Variants in ZYG11A observed in about 807,000 individuals in gnomAD.
ZYG11A encodes the protein protein zyg-11 homolog A.
In ZYG11A, 62 loss-of-function variants were observed where a neutral mutation model predicts 77.2. That is an observed-to-expected ratio of 0.80 (90% CI 0.65 to 0.99). The LOEUF is 0.99. Ranked by LOEUF, ZYG11A falls within the 50% of genes least tolerant of loss-of-function variation. The pLI is 0.00. For synonymous variants in ZYG11A, 315 were observed against 324.6 expected, an observed-to-expected ratio of 0.97 and a Z score of 0.32; for missense variants, 828 against 896.8, an observed-to-expected ratio of 0.92 and a Z score of 0.98.
At chr1:52,878,949 C>CAA (rs914463472) in intron 10 of ZYG11A, among the ~76,000 whole-genome samples, 823 of 27,214 alleles carry the variant, frequency 0.03, 69 homozygotes, top group African/African-American at 0.064. Flanking sequence ...AAACTCTGCT[C>CAA]AAAAAAAAAA....
intron 8 of ZYG11A, among the ~76,000 whole-genome samples, chr1:52,874,239 CTA>C (rs71044434): frequency 0.51 from 75,875 of 148,590 alleles, 20,096 homozygotes; most frequent in Non-Finnish European, 0.59. Context: ...CTCTCTCTCT[CTA>C]TATATATATA....
In ZYG11A at chr1:52,859,266, C is replaced by G. The variant is rs1034391911; in HGVS notation, c.1009-1465C>G. On this transcript the variant is annotated intron_variant, in intron 3 of 13. Transcript: ENST00000371528. ...CACCACCAAGGATTATCTCTTCCCC[C>G]CTTGGATAAACTTGGCATCTTTGTT... is the stretch of plus-strand genomic sequence containing the variant. Among the ~76,000 whole-genome samples the G allele has an allele frequency of 4.6e-5, 7 of 152,088 alleles. No individual in the cohort carries two copies. In the East Asian group the frequency reaches 5.8e-4, roughly 13 times the overall value.
At chr1:52,883,023 CCT>C (rs1432484587) in intron 11 of ZYG11A, among the ~76,000 whole-genome samples, 1 of 151,578 alleles carries the variant, frequency 6.6e-6, no homozygotes, top group African/African-American at 2.4e-5. Context: ...TGTTCTGAAT[CCT>C]CTTCTAAAAA....
At position 52,878,074 on chromosome 1, in the gene ZYG11A, A is replaced by G. The variant is rs1302669529; in HGVS notation, c.1749+105A>G. ...GCAGTATTGTAAGCAATTTACATGT[A>G]TAAACTCATTTAATCTTTACATTAG... is the stretch of plus-strand genomic sequence containing the variant. On this transcript the variant is annotated intron_variant, in intron 10 of 13. Transcript: ENST00000371528. 1.5e-5 allele frequency: 14 copies of G among 921,826 alleles called. No homozygotes were observed. In the Admixed American group the frequency reaches 3.1e-4, roughly 20 times the overall value. The allele number at this position is 921,826 out of a possible 1,614,324, so 57.1% of individuals were successfully genotyped here.
At chr1:52,850,456 T>C (rs1196123287) in intron 1 of ZYG11A, among the ~76,000 whole-genome samples, 1 of 151,970 alleles carries the variant, frequency 6.6e-6, no homozygotes, top group African/African-American at 2.4e-5. Flanking sequence ...ATAGCTGAGA[T>C]TACAGGTGCC....
At position 52,881,583 on chromosome 1, in the gene ZYG11A, C is replaced by T; in HGVS notation, c.1862C>T (p.Ala621Val). 1 of 1,552,282 alleles carries T rather than the reference C, an allele frequency of 6.4e-7. No homozygotes were observed. Among genetic ancestry groups the T allele is most frequent in the Non-Finnish European group, 8.7e-7 (1 of 1,147,084 alleles). The stretch of plus-strand genomic sequence containing the variant: ...GAAATGGAAGTCAGCTATTTTGCTG[C>T]AGGTATCATAGCCCACCTGACATCT... ...SREMEVSYFA[A>V]GIIAHLTSDR... The change falls in exon 11 of 14, where the codon GCA (alanine) becomes GTA (valine). Residue 621 changes from alanine to valine, a missense_variant. Coordinates refer to ENST00000371528, the MANE Select transcript of ZYG11A (RefSeq NM_001004339.3).
At chr1:52,863,780 A>G (rs1414736773) in intron 4 of ZYG11A, among the ~76,000 whole-genome samples, 1 of 152,202 alleles carries the variant, frequency 6.6e-6, no homozygotes, top group Non-Finnish European at 1.5e-5. Context: ...GACTTGGCCA[A>G]AGTCACACAG....
chr1:52,866,081 G>A (rs926024501), intron 5 of ZYG11A, among the ~76,000 whole-genome samples: 22 of 151,934 alleles, frequency 1.4e-4, no homozygotes, highest in African/African-American at 3.6e-4. Flanking sequence ...GGGACTACAG[G>A]CACCCACCAC....
chr1:52,843,252 C>A (rs1645488283), intron 1 of ZYG11A, among the ~76,000 whole-genome samples: 1 of 152,204 alleles, frequency 6.6e-6, no homozygotes, highest in Non-Finnish European at 1.5e-5. Flanking sequence ...GAGCCCAGTC[C>A]CAGAGACCGG....
chr1:52,873,041 A>G (rs1158085675), intron 8 of ZYG11A, among the ~76,000 whole-genome samples: 1 of 152,024 alleles, frequency 6.6e-6, no homozygotes, highest in Non-Finnish European at 1.5e-5. Flanking sequence ...TTAAGAAAAC[A>G]CACAGCGGTG....
At chr1:52,843,407 CA>C (rs11366962) in intron 1 of ZYG11A, among the ~76,000 whole-genome samples, 2,208 of 152,292 alleles carry the variant, frequency 0.014, 59 homozygotes, top group African/African-American at 0.051. Flanking sequence ...ACCGTTTCCC[CA>C]CCCGTGTTGT....
chr1:52,851,373 A>G (rs1322203284), intron 1 of ZYG11A, among the ~76,000 whole-genome samples: 2 of 151,912 alleles, frequency 1.3e-5, no homozygotes, highest in African/African-American at 4.8e-5. Flanking sequence ...GTGCATATGT[A>G]TGTAACCATT....
chr1:52,886,464 A>G (rs1646452778), intron 12 of ZYG11A, among the ~76,000 whole-genome samples: 1 of 152,200 alleles, frequency 6.6e-6, no homozygotes, highest in Non-Finnish European at 1.5e-5. Context: ...TAATAGCTTC[A>G]TTGTATGCTC....
intron 1 of ZYG11A, among the ~76,000 whole-genome samples, 168 bp downstream of exon 1, chr1:52,843,141 G>A (rs1365962124): frequency 6.6e-6 from 1 of 152,134 alleles, no homozygotes; most frequent in Admixed American, 6.5e-5. Flanking sequence ...TCGCTGCGGA[G>A]GTGCGTTGTC....
chr1:52,871,428 C>T (rs1166840146), intron 8 of ZYG11A, among the ~76,000 whole-genome samples: 4 of 151,720 alleles, frequency 2.6e-5, no homozygotes, highest in Admixed American at 1.3e-4. Context: ...ATTAAATTCC[C>T]GTGTATATAT....
At chr1:52,890,430 G>A (rs556406594) in intron 13 of ZYG11A, among the ~76,000 whole-genome samples, 2 of 150,164 alleles carry the variant, frequency 1.3e-5, no homozygotes, top group African/African-American at 4.9e-5. Context: ...TAGAAACCGG[G>A]TTTCATCATG....
intron 8 of ZYG11A, among the ~76,000 whole-genome samples, chr1:52,872,882 CAAA>C (rs59422649): frequency 3.6e-5 from 4 of 112,148 alleles, no homozygotes; most frequent in South Asian, 2.8e-4. Flanking sequence ...GACTCTGTCT[CAAA>C]AAAAAAAAAA....
chr1:52,890,247 T>C (rs960822609), intron 13 of ZYG11A, among the ~76,000 whole-genome samples: 2 of 144,994 alleles, frequency 1.4e-5, no homozygotes, highest in Non-Finnish European at 3.0e-5. Flanking sequence ...TATTTTCTTT[T>C]AGTTTTTTTT....
At chr1:52,844,169 C>T (rs566308175) in intron 1 of ZYG11A, among the ~76,000 whole-genome samples, 1 of 152,278 alleles carries the variant, frequency 6.6e-6, no homozygotes, top group Non-Finnish European at 1.5e-5. Flanking sequence ...CAAGGGCCAC[C>T]CTTGGGGAAC....
Sources: gnomAD v4.1 joint callset for allele counts (sites outside exome capture counted in the v4.1 genomes callset) on GRCh38, gnomAD v4.1.1 for gene constraint, MANE v1.5 for transcripts, NCBI Gene and HGNC (gene_info 2026-07-23, HGNC 2026-07-21) for gene names.